PLEC: variants seen among roughly 807,000 people sequenced by gnomAD.
PLEC encodes the protein hemidesmosomal protein 1.
In PLEC, 216 loss-of-function variants were observed where a neutral mutation model predicts 392.8. The ratio of observed to expected loss-of-function variants is 0.55; its 90% CI spans 0.49 to 0.62. The LOEUF (loss-of-function observed/expected upper bound fraction) is 0.62, where lower values mean the gene tolerates loss of function less well. PLEC is among the 20% of genes least tolerant of loss of function. The pLI is 0.00. For missense variants in PLEC, 6,863 were observed against 6,563.4 expected (o/e 1.05, Z -1.58); for synonymous variants, 3,621 against 2,980.6 (o/e 1.21, Z -7.00).
upstream of PLEC, chr8:143,975,048 G>A: frequency 4.8e-6 from 5 of 1,043,560 alleles, no homozygotes; most frequent in Admixed American, 1.9e-5. This position sits in a 1 kb window ranked among gnomAD's most constrained non-coding sequence, Gnocchi z 9.9. Flanking sequence ...GACGCGCGAG[G>A]CCCTCCGTGA....
At chr8:143,949,652 G>A (rs115347303) in intron 1 of PLEC, among the ~76,000 whole-genome samples, 2,598 of 152,282 alleles carry the variant, frequency 0.017, 68 homozygotes, top group African/African-American at 0.06. Flanking sequence ...GCCCAGGGCC[G>A]TCCCCAGCCA....
intron 1 of PLEC, among the ~76,000 whole-genome samples, chr8:143,970,911 G>A (rs893617241): frequency 1.2e-4 from 18 of 152,344 alleles, no homozygotes; most frequent in Admixed American, 3.9e-4. Context: ...CCTCAGCACG[G>A]AGGCCTCTCC....
Position 143,932,554 on chromosome 8 carries a change from G to A in PLEC, c.1823C>T (p.Ser608Phe), listed in dbSNP as rs1302515763. 6.2e-7 allele frequency: 1 copy of A among 1,612,536 alleles called. No homozygotes were observed. The highest frequency in any genetic ancestry group is 8.5e-7 in the Non-Finnish European group (1 of 1,179,930). Reference sequence around the variant, plus strand: ...CTCCAGGGACCTGAGGCGGGCCTTGGAGGAGTTCTGTGGGCAGGAGGGTGC... The same window carrying A: ...CTCCAGGGACCTGAGGCGGGCCTTGAAGGAGTTCTGTGGGCAGGAGGGTGC... ...DLQYAKLLNS[S>F]KARLRSLESL... The change falls in exon 16 of 32, where the codon TCC becomes TTC. Residue 608 changes from serine to phenylalanine, a missense_variant. Coordinates refer to ENST00000345136, the MANE Select transcript of PLEC (RefSeq NM_201384.3).
rs782197467 is a variant in PLEC, at chr8:143,927,849, G to C, written c.3399+5C>G. On this transcript the variant is annotated splice_donor_5th_base_variant and intron_variant, in intron 26 of 31. Coordinates refer to ENST00000345136, the MANE Select transcript of PLEC (RefSeq NM_201384.3). ...CGCCATGAAGCCCAAGCCTCGAAACGATACCTTCAGAGAGGCCTTGGTGGC... is the reference window on the plus strand; with the variant it reads ...CGCCATGAAGCCCAAGCCTCGAAACCATACCTTCAGAGAGGCCTTGGTGGC... The C allele has an allele frequency of 3.8e-6, 6 of 1,590,502 alleles. No individual in the cohort carries two copies. In the East Asian group the frequency reaches 1.4e-4, roughly 36 times the overall value.
At position 143,925,367 on chromosome 8, in the gene PLEC, A is replaced by C. The variant is rs1824682953; in HGVS notation, c.4562T>G (p.Val1521Gly). 1.9e-6 allele frequency: 3 copies of C among 1,558,296 alleles called. No homozygotes were observed. In the East Asian group the frequency reaches 7.1e-5, roughly 37 times the overall value. ...GCGCGCCGCCTCGGCCTCGGCCTTC[A>C]CGCGCGAGGCCAGCTCCACCTCCGC... ...RQAEVELASR[V>G]KAEAEAAREK... is the part of the protein sequence containing the mutation. The change falls in exon 31 of 32, where the codon GTG (valine) becomes GGG (glycine). Residue 1521 changes from valine (V) to glycine (G), a missense_variant. Coordinates refer to ENST00000345136, the MANE Select transcript of PLEC (RefSeq NM_201384.3).
intron 1 of PLEC, chr8:143,944,743 C>T: frequency 8.0e-7 from 1 of 1,254,696 alleles, no homozygotes; most frequent in South Asian, 3.7e-5. Flanking sequence ...GGAGGAGGCA[C>T]AAGCCACTGG....
Position 143,932,549 on chromosome 8 carries a change from C to T in PLEC, c.1828G>A (p.Ala610Thr), listed in dbSNP as rs782696282. The T allele has an allele frequency of 6.2e-7, 1 of 1,612,526 alleles. No homozygotes were observed. The highest frequency in any genetic ancestry group is 8.5e-7 in the Non-Finnish European group (1 of 1,179,930). ...QYAKLLNSSKARLRSLESLHS... is the reference protein window; with the variant it reads ...QYAKLLNSSKTRLRSLESLHS... ...AAGCTCTCCAGGGACCTGAGGCGGG[C>T]CTTGGAGGAGTTCTGTGGGCAGGAG... is the stretch of plus-strand genomic sequence containing the variant. The change falls in exon 16 of 32, where the codon GCC becomes ACC. Residue 610 changes from alanine to threonine, a missense_variant. Transcript: ENST00000345136.
In PLEC at chr8:143,930,685, G is replaced by A. The variant is rs889570668; in HGVS notation, c.2305-149C>T. The A allele has an allele frequency of 1.3e-5, 11 of 828,472 alleles. No homozygotes were observed. The East Asian group carries it at 2.1e-4, about 16-fold the overall frequency. The allele number at this position is 828,472 out of a possible 1,614,324, so 51.3% of individuals were successfully genotyped here. On this transcript the variant is annotated intron_variant, in intron 19 of 31. Transcript: ENST00000345136. ...GAAGCAGGAGGTATAGCTGGGACAG[G>A]CCCCGGGGGTTGGCCCCAAGCAGAC...
In PLEC at chr8:143,973,316, G is replaced by C; in HGVS notation, c.70+87C>G. On this transcript the variant is annotated intron_variant, in intron 1 of 31. Transcript: ENST00000356346. This position sits in a 1 kb window ranked among gnomAD's most constrained non-coding sequence, Gnocchi z 5.6. Reference sequence around the variant, plus strand: ...GCGGAGTGGCCGCGCTCGGGCCGGCGATCGGGACCGCCACCGTGGACGACA... The same window carrying C: ...GCGGAGTGGCCGCGCTCGGGCCGGCCATCGGGACCGCCACCGTGGACGACA... 2 of 1,497,126 alleles carry C rather than the reference G, an allele frequency of 1.3e-6. No individual in the cohort carries two copies. Among genetic ancestry groups the C allele is most frequent in the South Asian group, 2.4e-5 (2 of 82,334 alleles). The allele number at this position is 1,497,126 out of a possible 1,614,324, so 92.7% of individuals were successfully genotyped here. A position where few individuals can be genotyped will look rare whatever the true frequency, so the allele number is the denominator to read the frequency against.
rs782686068 is a variant in PLEC, at chr8:143,920,172, C to T, written c.9649G>A (p.Ala3217Thr). The T allele has an allele frequency of 5.6e-6, 9 of 1,612,180 alleles. No homozygotes were observed. Among genetic ancestry groups the T allele is most frequent in the South Asian group, 1.1e-5 (1 of 91,082 alleles). ...LSLLPLSEKAARARQEELYSE... is the reference protein window; with the variant it reads ...LSLLPLSEKATRARQEELYSE... ...TAGAGCTCCTCCTGCCGGGCCCGAG[C>T]AGCCTTTTCTGAGAGCGGCAGCAGG... The change falls in exon 32 of 32, where the codon GCT (alanine) becomes ACT (threonine). Residue 3217 changes from alanine to threonine, a missense_variant. Transcript: ENST00000345136.
chr8:143,954,962 G>A (rs1340158503), upstream of PLEC, among the ~76,000 whole-genome samples: 1 of 152,138 alleles, frequency 6.6e-6, no homozygotes, highest in African/African-American at 2.4e-5. This position sits in a 1 kb window ranked among gnomAD's most constrained non-coding sequence, Gnocchi z 4.6. Context: ...CATGGAGGAC[G>A]TGACCATGAT....
upstream of PLEC, among the ~76,000 whole-genome samples, chr8:143,951,344 G>A (rs1213582123): frequency 1.3e-5 from 2 of 152,112 alleles, no homozygotes; most frequent in Non-Finnish European, 2.9e-5. Context: ...GAGCGGAGAG[G>A]ACTAGGGCCT....
At chr8:143,939,735 A>G (rs1830078884), upstream of PLEC, 12 of 1,088,620 alleles carry the variant, frequency 1.1e-5, no homozygotes, top group Non-Finnish European at 1.5e-5. Context: ...CCCCACAGAC[A>G]CGCCCTCGGC....
chr8:143,923,842 C>A lies in PLEC; in HGVS notation c.6087G>T (p.Glu2029Asp). 6.3e-7 allele frequency: 1 copy of A among 1,588,840 alleles called. No individual in the cohort carries two copies. Among genetic ancestry groups the A allele is most frequent in the Non-Finnish European group, 8.5e-7 (1 of 1,175,414 alleles). Residue 2029 changes from glutamate (E) to aspartate (D), a missense_variant, in exon 31 of 32, where the codon GAG becomes GAT. By Grantham distance (45) the Glu-to-Asp change is conservative (BLOSUM62 2). Transcript: ENST00000345136. The stretch of plus-strand genomic sequence containing the variant: ...GCTGCAGCTGCCGCGCCGACTCCTG[C>A]TCCGCTCGCTCCCGCAGGCGCCGCG... ...EEARRLRERA[E>D]QESARQLQLA...
chr8:143,933,798 G>A (rs1050564527), intron 12 of PLEC, among the ~76,000 whole-genome samples, 200 bp downstream of exon 12: 2 of 152,320 alleles, frequency 1.3e-5, no homozygotes, highest in African/African-American at 4.8e-5. Context: ...AACCAACTCT[G>A]CCCAAAGCAG....
chr8:143,944,247 C>T (rs1450372336), upstream of PLEC, among the ~76,000 whole-genome samples: 3 of 152,160 alleles, frequency 2.0e-5, no homozygotes, highest in African/African-American at 4.8e-5. Flanking sequence ...CTGGCCAAGC[C>T]GCAGCCCCCC....
upstream of PLEC, among the ~76,000 whole-genome samples, chr8:143,944,246 C>T (rs1831085749): frequency 6.6e-6 from 1 of 152,302 alleles, no homozygotes; most frequent in African/African-American, 2.4e-5. Flanking sequence ...CCTGGCCAAG[C>T]CGCAGCCCCC....
chr8:143,950,214 T>C, exon 1 of PLEC: 8 of 1,548,828 alleles, frequency 5.2e-6, no homozygotes, highest in Non-Finnish European at 7.0e-6. Flanking sequence ...GGGCCTGGCC[T>C]GGCCAGGGTC....
rs202083445 is a variant in PLEC, at chr8:143,918,964, G to C, written c.10857C>G (p.Ile3619Met). 8.7e-6 allele frequency: 14 copies of C among 1,610,688 alleles called. No homozygotes were observed. The highest frequency in any genetic ancestry group is 9.3e-6 in the Non-Finnish European group (11 of 1,180,004). The change falls in exon 32 of 32, where the codon ATC (isoleucine) becomes ATG (methionine). Residue 3619 changes from isoleucine to methionine, a missense_variant. Physicochemically the swap from Ile to Met is conservative, Grantham distance 10 (BLOSUM62 1). Transcript: ENST00000345136. ...QAGRVTKERMIIIIIEIIEKT... is the reference protein window; with the variant it reads ...QAGRVTKERMMIIIIEIIEKT... ...TCTCAATGATCTCGATGATGATGAT[G>C]ATCATGCGTTCCTTGGTCACCCGGC... is the stretch of plus-strand genomic sequence containing the variant.
Sources: gnomAD v4.1 joint callset for allele counts (sites outside exome capture counted in the v4.1 genomes callset) on GRCh38, gnomAD v4.1.1 for gene constraint, Gnocchi (gnomAD v3.1) non-coding constraint, MANE v1.5 for transcripts, NCBI Gene and HGNC (gene_info 2026-07-23, HGNC 2026-07-21) for gene names.